The following ATXN7L1 variants were observed in gnomAD, a reference collection of about 807,000 sequenced individuals.
ATXN7L1 encodes ataxin 7 like 1.
Under a neutral mutation model 70.8 loss-of-function variants are expected in ATXN7L1, and 15 were observed. That is an observed-to-expected ratio of 0.21 (90% CI 0.14 to 0.33). ATXN7L1 has a LOEUF of 0.33. Ranked by LOEUF, ATXN7L1 falls within the 10% of genes least tolerant of loss-of-function variation. The pLI, the probability that ATXN7L1 is intolerant of heterozygous loss-of-function variation, is 1.00. For synonymous variants in ATXN7L1, 440 were observed against 445.1 expected (o/e 0.99, Z 0.14); for missense variants, 975 against 1,097.1 (o/e 0.89, Z 1.57).
chr7:105,627,168 G>A (rs1268658654), intron 7 of ATXN7L1, among the ~76,000 whole-genome samples: 1 of 152,144 alleles, frequency 6.6e-6, no homozygotes, highest in African/African-American at 2.4e-5. Flanking sequence ...GATTAAAAAG[G>A]AGCTGGATTT....
chr7:105,727,757 T>TATATATATATATATAC (rs1796027489), intron 3 of ATXN7L1, among the ~76,000 whole-genome samples: 1 of 86,876 alleles, frequency 1.2e-5, no homozygotes, highest in South Asian at 5.0e-4. Context: ...TATATATATA[T>TATATATATATATATAC]ATATATATAT....
At chr7:105,820,155 A>AAAAAAAAC (rs1314543607) in intron 2 of ATXN7L1, 1 of 274,718 alleles carries the variant, frequency 3.6e-6, no homozygotes, top group African/African-American at 2.4e-5. Flanking sequence ...AAAAAAAAAA[A>AAAAAAAAC]GCGTGGGCCT....
intron 3 of ATXN7L1, among the ~76,000 whole-genome samples, chr7:105,750,951 C>T (rs1799142938): frequency 6.6e-6 from 1 of 152,228 alleles, no homozygotes. Flanking sequence ...CTGCAACCCA[C>T]TTTCGTTGCT....
intron 3 of ATXN7L1, among the ~76,000 whole-genome samples, chr7:105,685,641 C>G (rs777897975): frequency 6.6e-6 from 1 of 152,140 alleles, no homozygotes; most frequent in Non-Finnish European, 1.5e-5. Flanking sequence ...TCCATGGTCC[C>G]CTTGTTGAGA....
In ATXN7L1 at chr7:105,604,832, CAG is replaced by C. The variant is rs955903162; in HGVS notation, c.*3018_*3019del. On this transcript the variant is annotated 3_prime_UTR_variant, in exon 12 of 12. Transcript: ENST00000419735. ...TGACTGACCAGCTACGTAAAACCCACAGAGTTTTGTTAAAGTGCCATGGGCCG... is the reference window on the plus strand; with the variant it reads ...TGACTGACCAGCTACGTAAAACCCACAGTTTTGTTAAAGTGCCATGGGCCG... Among the ~76,000 whole-genome samples the C allele has an allele frequency of 6.6e-6, 1 of 152,176 alleles. No individual in the cohort carries two copies. The highest frequency in any genetic ancestry group is 1.5e-5 in the Non-Finnish European group (1 of 68,038).
intron 3 of ATXN7L1, among the ~76,000 whole-genome samples, chr7:105,683,878 C>T (rs1563000319): frequency 6.6e-6 from 1 of 152,190 alleles, no homozygotes; most frequent in Non-Finnish European, 1.5e-5. Context: ...AAGGAATCAT[C>T]ATTCTCCCAT....
intron 2 of ATXN7L1, among the ~76,000 whole-genome samples, chr7:105,833,518 C>T (rs1347274259): frequency 6.6e-6 from 1 of 152,158 alleles, no homozygotes; most frequent in African/African-American, 2.4e-5. Flanking sequence ...GAATCCATTG[C>T]ACAGATATAG....
chr7:105,696,671 T>C (rs562696641), intron 3 of ATXN7L1, among the ~76,000 whole-genome samples: 64 of 152,348 alleles, frequency 4.2e-4, no homozygotes, highest in African/African-American at 1.5e-3. Flanking sequence ...TAATTAGTAC[T>C]GGCATGCTTA....
chr7:105,838,157 G>A (rs1812680963), intron 2 of ATXN7L1, among the ~76,000 whole-genome samples: 1 of 152,144 alleles, frequency 6.6e-6, no homozygotes. Flanking sequence ...TGCCCTCCAA[G>A]AAGCAGACAA....
At chr7:105,638,671 G>A (rs1412883810) in intron 6 of ATXN7L1, 62 bp from the exon 7 acceptor site, 1 of 1,467,820 alleles carries the variant, frequency 6.8e-7, no homozygotes, top group African/African-American at 1.4e-5. Context: ...TGCTTCCCCA[G>A]GCCCTCCATT....
At chr7:105,795,594 T>C (rs1805870688) in intron 2 of ATXN7L1, among the ~76,000 whole-genome samples, 2 of 152,148 alleles carry the variant, frequency 1.3e-5, no homozygotes, top group South Asian at 4.1e-4. Flanking sequence ...ATGAAAACCT[T>C]AAGAGAGACT....
intron 2 of ATXN7L1, among the ~76,000 whole-genome samples, chr7:105,869,044 C>T (rs760799387): frequency 1.4e-4 from 21 of 152,198 alleles, no homozygotes; most frequent in Non-Finnish European, 2.5e-4. Context: ...GATGTCCTTT[C>T]TCATCTGTGT....
intron 3 of ATXN7L1, among the ~76,000 whole-genome samples, chr7:105,694,661 G>C (rs1479209387): frequency 6.6e-6 from 1 of 152,166 alleles, no homozygotes; most frequent in Non-Finnish European, 1.5e-5. Context: ...AAAAGGGGCA[G>C]ACTTTATTAT....
intron 3 of ATXN7L1, among the ~76,000 whole-genome samples, chr7:105,677,721 A>G (rs1030479906): frequency 2.0e-5 from 3 of 152,234 alleles, no homozygotes; most frequent in Non-Finnish European, 4.4e-5. Flanking sequence ...CTCAGTAGGC[A>G]GTTCTCAGCC....
intron 3 of ATXN7L1, among the ~76,000 whole-genome samples, chr7:105,727,571 A>G (rs1358681292): frequency 1.3e-5 from 2 of 149,064 alleles, no homozygotes; most frequent in Non-Finnish European, 3.0e-5. Context: ...TGGGAGGCTG[A>G]GGCATGAGAA....
chr7:105,672,554 T>C (rs1423579527), intron 3 of ATXN7L1, among the ~76,000 whole-genome samples: 1 of 152,252 alleles, frequency 6.6e-6, no homozygotes, highest in East Asian at 1.9e-4. Context: ...TTTAGAATTA[T>C]TTCCTTGAGG....
intron 3 of ATXN7L1, among the ~76,000 whole-genome samples, chr7:105,694,963 C>A (rs1384523395): frequency 5.9e-5 from 9 of 152,210 alleles, no homozygotes; most frequent in African/African-American, 2.2e-4. Flanking sequence ...ACCAGCCCAG[C>A]CAACATGCTG....
At chr7:105,680,277 T>A (rs1281708680) in intron 3 of ATXN7L1, among the ~76,000 whole-genome samples, 2 of 152,152 alleles carry the variant, frequency 1.3e-5, no homozygotes, top group African/African-American at 4.8e-5. Flanking sequence ...TGACTGCCTA[T>A]GTAAGATGGT....
At chr7:105,814,402 G>A (rs1448991504) in intron 2 of ATXN7L1, among the ~76,000 whole-genome samples, 1 of 152,088 alleles carries the variant, frequency 6.6e-6, no homozygotes, top group Non-Finnish European at 1.5e-5. Context: ...TGGGGAGAAG[G>A]GAGAGAAACT....
Sources: gnomAD v4.1 joint callset for allele counts (sites outside exome capture counted in the v4.1 genomes callset) on GRCh38, gnomAD v4.1.1 for gene constraint, MANE v1.5 for transcripts, NCBI Gene and HGNC (gene_info 2026-07-23, HGNC 2026-07-21) for gene names.